AP5Z1: variants seen among roughly 807,000 people sequenced by gnomAD.
The protein encoded by AP5Z1 is AP-5 complex subunit zeta-1.
Under a neutral mutation model 83.0 loss-of-function variants are expected in AP5Z1, and 106 were observed. The observed-to-expected ratio is 1.28, with a 90% CI of 1.09 to 1.50. AP5Z1 has a LOEUF of 1.50. AP5Z1 is among the 40% of genes most tolerant of loss of function. The pLI is 0.00. For missense variants in AP5Z1, 1,565 were observed against 1,094.2 expected (o/e 1.43, Z -6.07); for synonymous variants, 751 against 514.1 (o/e 1.46, Z -6.23).
chr7:4,790,005 C>T, intron 14 of AP5Z1, 76 bp downstream of exon 14: 1 of 1,058,706 alleles, frequency 9.4e-7, no homozygotes, highest in Non-Finnish European at 1.3e-6. Flanking sequence ...CCTCCCCCCT[C>T]CCCTTCAGTG....
At chr7:4,791,093 C>T (rs370883987) in intron 16 of AP5Z1, 22 bp from the exon 17 acceptor site, 45 of 1,552,546 alleles carry the variant, frequency 2.9e-5, no homozygotes, top group South Asian at 1.8e-4. Context: ...CTGCAGCTGA[C>T]GGAGGGACCT....
At position 4,781,608 on chromosome 7, in the gene AP5Z1, G is replaced by A. The variant is rs748218884; in HGVS notation, c.220G>A (p.Gly74Ser). The change falls in exon 3 of 17, where the codon GGC becomes AGC. Residue 74 changes from glycine (G) to serine (S), a missense_variant. Transcript: ENST00000649063. The stretch of plus-strand genomic sequence containing the variant: ...CGTAGACCTGCTGCAGGCCACCCTC[G>A]GCCTGCCTGCATGCCCCGAGCAGCT... ...TCVDLLQATL[G>S]LPACPEQLQV... 23 of 1,609,932 alleles carry A rather than the reference G, an allele frequency of 1.4e-5. No individual in the cohort carries two copies. The Middle Eastern group carries it at 4.9e-4, about 35-fold the overall frequency.
intron 1 of AP5Z1, among the ~76,000 whole-genome samples, chr7:4,780,596 T>C (rs564817453): frequency 1.6e-4 from 24 of 152,122 alleles, no homozygotes; most frequent in Middle Eastern, 3.4e-3. Flanking sequence ...AACCCTGTCT[T>C]TACTAAAAAA....
In AP5Z1 at chr7:4,787,627, C is replaced by T; in HGVS notation, c.1312-7C>T. 6.5e-7 allele frequency: 1 copy of T among 1,550,316 alleles called. No homozygotes were observed. The highest frequency in any genetic ancestry group is 8.7e-7 in the Non-Finnish European group (1 of 1,147,744). On this transcript the variant is annotated splice_polypyrimidine_tract_variant and splice_region_variant and intron_variant, in intron 10 of 16. Transcript: ENST00000649063. ...GCCGTGTCCGAACCGCTGTGCTGTG[C>T]CCACAGTTCCTGGCCTGGAACAGCC...
At chr7:4,779,081 T>A (rs1393465940) in intron 1 of AP5Z1, among the ~76,000 whole-genome samples, 1 of 146,426 alleles carries the variant, frequency 6.8e-6, no homozygotes, top group Non-Finnish European at 1.5e-5. Context: ...TATTTTTATA[T>A]GTAATATATA....
At position 4,793,026 on chromosome 7, in the gene AP5Z1, A is replaced by C. The variant is rs192055966; in HGVS notation, c.*1641A>C. ...GTGTCCTGGCTCCCAGCTCCCAGGC[A>C]CTCGTGGGGCCACCGCCCAGGCCAG... On this transcript the variant is annotated 3_prime_UTR_variant, in exon 17 of 17. Transcript: ENST00000649063. The C allele has an allele frequency of 4.4e-3, 673 of 153,274 alleles. 3 individuals carry two copies. Among genetic ancestry groups the C allele is most frequent in the African/African-American group, 0.015 (641 of 41,568 alleles). 9.5% of individuals were successfully genotyped at this position (153,274 alleles called of 1,614,324 possible). A position where few individuals can be genotyped will look rare whatever the true frequency, so the allele number is the denominator to read the frequency against.
Position 4,792,135 on chromosome 7 carries a change from T to C in AP5Z1, c.*750T>C, listed in dbSNP as rs1781797353. Reference sequence around the variant, plus strand: ...ACTGGATTCGCGCGAAGGGGAGGTGTCTGGGCGTGCGGCCCCAGCCCCGCC... The same window carrying C: ...ACTGGATTCGCGCGAAGGGGAGGTGCCTGGGCGTGCGGCCCCAGCCCCGCC... On this transcript the variant is annotated 3_prime_UTR_variant, in exon 17 of 17. Coordinates refer to ENST00000649063, the MANE Select transcript of AP5Z1 (RefSeq NM_014855.3). 6.6e-6 allele frequency: 1 copy of C among 152,164 alleles called. No individual in the cohort carries two copies. Among genetic ancestry groups the C allele is most frequent in the Admixed American group, 6.5e-5 (1 of 15,284 alleles). 9.4% of individuals were successfully genotyped at this position (152,164 alleles called of 1,614,324 possible). A position where few individuals can be genotyped will look rare whatever the true frequency, so the allele number is the denominator to read the frequency against.
At chr7:4,778,184 C>T (rs1466716643) in intron 1 of AP5Z1, among the ~76,000 whole-genome samples, 1 of 152,182 alleles carries the variant, frequency 6.6e-6, no homozygotes, top group Non-Finnish European at 1.5e-5. Context: ...ATGATGGTGC[C>T]ACTGCACTCC....
At chr7:4,790,154 T>C (rs1781710533) in intron 14 of AP5Z1, 4 of 1,504,288 alleles carry the variant, frequency 2.7e-6, no homozygotes, top group African/African-American at 1.4e-5. Context: ...GCCTGTCCTC[T>C]TCAGGGTTAG....
rs779121737 is a variant in AP5Z1 at position 4,784,204 on chromosome 7, C to G, written c.623C>G (p.Pro208Arg). 2.5e-6 allele frequency: 4 copies of G among 1,579,664 alleles called. No individual in the cohort carries two copies. The East Asian group carries it at 7.0e-5, about 28-fold the overall frequency. ...CACTCCTGCCTGTCCTTCCCACAGCCGGGCCCCGTCACCGAGGTGGACGGG... is the reference window on the plus strand; with the variant it reads ...CACTCCTGCCTGTCCTTCCCACAGCGGGGCCCCGTCACCGAGGTGGACGGG... ...GFFSTPRARQPGPVTEVDGAV... is the reference protein window; with the variant it reads ...GFFSTPRARQRGPVTEVDGAV... The change falls in exon 6 of 17, where the codon CCG becomes CGG. Residue 208 changes from proline to arginine, a missense_variant and splice_region_variant. By Grantham distance (103) the Pro-to-Arg change is moderately radical. Coordinates refer to ENST00000649063, the MANE Select transcript of AP5Z1 (RefSeq NM_014855.3).
chr7:4,794,367 G>C lies in AP5Z1; in HGVS notation c.*2982G>C, dbSNP rs188685832. 6.6e-6 allele frequency: 1 copy of C among 152,354 alleles called. No individual in the cohort carries two copies. The highest frequency in any genetic ancestry group is 1.5e-5 in the Non-Finnish European group (1 of 68,188). 9.4% of individuals were successfully genotyped at this position (152,354 alleles called of 1,614,324 possible). ...CCACACCGGGATGCTTTGTTTGTTCGCTCTTTGCAATAAATCTTGCTGCTG... is the reference window on the plus strand; with the variant it reads ...CCACACCGGGATGCTTTGTTTGTTCCCTCTTTGCAATAAATCTTGCTGCTG... On this transcript the variant is annotated 3_prime_UTR_variant, in exon 17 of 17. Transcript: ENST00000649063.
At position 4,786,394 on chromosome 7, in the gene AP5Z1, G is replaced by C; in HGVS notation, c.1277G>C (p.Ser426Thr). Reference sequence around the variant, plus strand: ...CTCCACCTGTTCAGCGGGCACCTCAGCACCCTCAGATTGAGCTTCCCCAAC... The same window carrying C: ...CTCCACCTGTTCAGCGGGCACCTCACCACCCTCAGATTGAGCTTCCCCAAC... Reference protein sequence around the residue: ...DNLHLFSGHLSTLRLSFPNLF... With the variant: ...DNLHLFSGHLTTLRLSFPNLF... The change falls in exon 10 of 17, where the codon AGC becomes ACC. Residue 426 changes from serine (S) to threonine (T), a missense_variant. Ser to Thr is a moderately conservative substitution (Grantham distance 58). Coordinates refer to ENST00000649063, the MANE Select transcript of AP5Z1 (RefSeq NM_014855.3). 2 of 1,613,860 alleles carry C rather than the reference G, an allele frequency of 1.2e-6. No individual in the cohort carries two copies. Among genetic ancestry groups the C allele is most frequent in the Non-Finnish European group, 1.7e-6 (2 of 1,179,840 alleles).
chr7:4,788,772 A>G (rs1781644144), intron 12 of AP5Z1, 68 bp from the exon 13 acceptor site: 11 of 1,372,768 alleles, frequency 8.0e-6, no homozygotes, highest in Non-Finnish European at 1.1e-5. Context: ...AGCAGTGGCG[A>G]CGTGGCCCCG....
intron 1 of AP5Z1, 41 bp downstream of exon 1, chr7:4,775,797 C>G: frequency 2.5e-6 from 4 of 1,596,402 alleles, no homozygotes; most frequent in East Asian, 2.2e-5. Context: ...TCCTGCATCT[C>G]TCCCTAGGGG....
At chr7:4,781,086 A>G in intron 1 of AP5Z1, 89 bp from the exon 2 acceptor site, 2 of 1,507,664 alleles carry the variant, frequency 1.3e-6, no homozygotes, top group Admixed American at 2.1e-5. Flanking sequence ...TCTTTTCTAA[A>G]GAGGGATTTT....
At position 4,788,203 on chromosome 7, in the gene AP5Z1, GC is replaced by G; in HGVS notation, c.1509del (p.Ser504AlafsTer64). The G allele has an allele frequency of 1.3e-6, 2 of 1,562,854 alleles. No homozygotes were observed. Among genetic ancestry groups the G allele is most frequent in the Admixed American group, 1.9e-5 (1 of 52,780 alleles). ...GCCACTCTGGGACACCTCTCTCAGG[GC>G]CCCCAGCTGCCTGGAGGCCTTCCGG... Reference protein sequence around the residue: ...ERPLWDTSLRAPSCLEAFRDP... With the variant: ...ERPLWDTSLRXPSCLEAFRDP... On this transcript the variant is annotated frameshift_variant, in exon 12 of 17. Transcript: ENST00000649063. LOFTEE classifies it high-confidence loss of function.
At chr7:4,775,855 C>CA in intron 1 of AP5Z1, 99 bp downstream of exon 1, 1 of 1,495,062 alleles carries the variant, frequency 6.7e-7, no homozygotes, top group Non-Finnish European at 9.0e-7. Context: ...GCCAGCCTTG[C>CA]AGGAACCCGA....
chr7:4,786,441 A>C lies in AP5Z1; in HGVS notation c.1311+13A>C, dbSNP rs555185439. 6.2e-6 allele frequency: 10 copies of C among 1,612,866 alleles called. No individual in the cohort carries two copies. The Admixed American group carries it at 1.0e-4, about 16-fold the overall frequency. ...CAACCTCTTTAAGGTATATTTGGGCATCCCTGGGTGCCAGGGCAGGGGCAT... is the reference window on the plus strand; with the variant it reads ...CAACCTCTTTAAGGTATATTTGGGCCTCCCTGGGTGCCAGGGCAGGGGCAT... On this transcript the variant is annotated intron_variant, in intron 10 of 16. Coordinates refer to ENST00000649063, the MANE Select transcript of AP5Z1 (RefSeq NM_014855.3).
intron 13 of AP5Z1, among the ~76,000 whole-genome samples, chr7:4,789,317 G>A (rs913471775): frequency 1.2e-4 from 18 of 152,316 alleles, no homozygotes; most frequent in Middle Eastern, 3.4e-3. Flanking sequence ...GACAGGGCAA[G>A]TGAGTGGCCT....
Sources: gnomAD v4.1 joint callset for allele counts (sites outside exome capture counted in the v4.1 genomes callset) on GRCh38, gnomAD v4.1.1 for gene constraint, MANE v1.5 for transcripts, NCBI Gene and HGNC (gene_info 2026-07-23, HGNC 2026-07-21) for gene names.